PAPSS2: variants seen among roughly 807,000 people sequenced by gnomAD.
PAPSS2 encodes the protein bifunctional 3'-phosphoadenosine 5'-phosphosulfate synthase 2.
A neutral mutation model predicts 66.5 loss-of-function variants in PAPSS2; 61 were observed. That is an observed-to-expected ratio of 0.92 (90% CI 0.75 to 1.14). PAPSS2 has a LOEUF of 1.14. Ranked by LOEUF, PAPSS2 falls within the 50% of genes most tolerant of loss-of-function variation. The pLI is 0.00. For synonymous variants in PAPSS2, 289 were observed against 287.5 expected (o/e 1.01, Z -0.05); for missense variants, 708 against 789.6 (o/e 0.90, Z 1.24).
intron 7 of PAPSS2, among the ~76,000 whole-genome samples, chr10:87,721,052 A>G (rs1343485393): frequency 6.6e-6 from 1 of 152,168 alleles, no homozygotes; most frequent in Non-Finnish European, 1.5e-5. Context: ...TTTCCAAGGG[A>G]GGGTGTGAGA....
intron 1 of PAPSS2, among the ~76,000 whole-genome samples, chr10:87,691,499 A>G (rs1304083951): frequency 6.6e-6 from 1 of 152,102 alleles, no homozygotes; most frequent in Admixed American, 6.5e-5. Flanking sequence ...AAAAAAAAAA[A>G]AAGGCAACAA....
Position 87,743,475 on chromosome 10 carries a change from C to T in PAPSS2, c.1325C>T (p.Pro442Leu), listed in dbSNP as rs748222374. 6 of 1,614,106 alleles carry T rather than the reference C, an allele frequency of 3.7e-6. No homozygotes were observed. Among genetic ancestry groups the T allele is most frequent in the East Asian group, 2.2e-5 (1 of 44,862 alleles). Residue 442 changes from proline (P) to leucine (L), a missense_variant, in exon 11 of 13, where the codon CCG becomes CTG. Transcript: ENST00000456849. ...RRLLERGYKH[P>L]VLLLHPLGGW... The stretch of plus-strand genomic sequence containing the variant: ...CTCCTAGAGAGGGGCTACAAGCACC[C>T]GGTCCTCCTACTACACCCTCTGGGC...
chr10:87,735,126 C>T (rs1225948950), intron 9 of PAPSS2, among the ~76,000 whole-genome samples: 1 of 152,142 alleles, frequency 6.6e-6, no homozygotes, highest in East Asian at 1.9e-4. Context: ...AATCCTCTAG[C>T]TGTGGCCCCC....
intron 2 of PAPSS2, 73 bp from the exon 3 acceptor site, chr10:87,713,002 A>T: frequency 1.2e-6 from 1 of 818,992 alleles, no homozygotes; most frequent in Non-Finnish European, 2.2e-6. Flanking sequence ...ATTTAAAATT[A>T]CTAGATTAGT....
At chr10:87,663,245 G>T (rs1198235331) in intron 1 of PAPSS2, among the ~76,000 whole-genome samples, 1 of 151,304 alleles carries the variant, frequency 6.6e-6, no homozygotes, top group Non-Finnish European at 1.5e-5. Context: ...CCGAGTAGCT[G>T]GCACTACTGG....
At chr10:87,687,055 A>T (rs982921006) in intron 1 of PAPSS2, among the ~76,000 whole-genome samples, 1 of 152,158 alleles carries the variant, frequency 6.6e-6, no homozygotes, top group Non-Finnish European at 1.5e-5. Flanking sequence ...TTATTTGTTA[A>T]ATCTGGTCAT....
intron 1 of PAPSS2, among the ~76,000 whole-genome samples, chr10:87,708,134 T>C (rs1269994612): frequency 6.6e-6 from 1 of 152,192 alleles, no homozygotes; most frequent in South Asian, 2.1e-4. Flanking sequence ...ATTGGCTCAC[T>C]TTACCTTTTT....
rs756961458 is a variant in PAPSS2, at chr10:87,743,537, C to T, written c.1387C>T (p.Arg463Trp). The change falls in exon 11 of 13, where the codon CGG becomes TGG. Residue 463 changes from arginine (R) to tryptophan (W), a missense_variant. Arg to Trp is a moderately radical substitution (Grantham distance 101). Transcript: ENST00000456849. ...TKDDDVPLDW[R>W]MKQHAAVLEE... ...GGATGACGATGTGCCTCTAGACTGG[C>T]GGATGAAGCAGCACGCGGCTGTGCT... 23 of 1,614,096 alleles carry T rather than the reference C, an allele frequency of 1.4e-5. No individual in the cohort carries two copies. Among genetic ancestry groups the T allele is most frequent in the Middle Eastern group, 1.6e-4 (1 of 6,062 alleles).
At chr10:87,701,715 G>A (rs4934362) in intron 1 of PAPSS2, among the ~76,000 whole-genome samples, 79,362 of 151,864 alleles carry the variant, frequency 0.52, 22,476 homozygotes, top group African/African-American at 0.74. Flanking sequence ...ATGAGTCACC[G>A]CACCCAGCCC....
chr10:87,707,321 C>T (rs932576197), intron 1 of PAPSS2, among the ~76,000 whole-genome samples: 7 of 152,158 alleles, frequency 4.6e-5, no homozygotes, highest in African/African-American at 1.7e-4. Context: ...GGTAGGGTCC[C>T]CTAAGTCTTG....
chr10:87,726,834 A>C (rs1009432260), intron 8 of PAPSS2, among the ~76,000 whole-genome samples: 4 of 152,218 alleles, frequency 2.6e-5, no homozygotes, highest in Non-Finnish European at 5.9e-5. Context: ...CTAAACAGGT[A>C]ATGAAATAAG....
chr10:87,741,579 G>C (rs558435848), intron 10 of PAPSS2, among the ~76,000 whole-genome samples: 2 of 152,210 alleles, frequency 1.3e-5, no homozygotes, highest in African/African-American at 4.8e-5. Flanking sequence ...ATTTTTAGTA[G>C]AGACAGGGTT....
chr10:87,689,548 C>A (rs1031886632), intron 1 of PAPSS2, among the ~76,000 whole-genome samples: 6 of 137,050 alleles, frequency 4.4e-5, no homozygotes, highest in Admixed American at 3.0e-4. Context: ...TGCCTATAAT[C>A]CCAGCTACTT....
Position 87,727,650 on chromosome 10 carries a change from T to C in PAPSS2, c.1086+161T>C, listed in dbSNP as rs74146361. Among the ~76,000 whole-genome samples, 2,533 of 152,314 alleles carry C rather than the reference T, an allele frequency of 0.017. 68 individuals are homozygous for C. Among genetic ancestry groups the C allele is most frequent in the African/African-American group, 0.057 (2,352 of 41,548 alleles). ...GCAGGCTTTGCCTCAGGAGATGTTT[T>C]TAGAAAGGTGCAAAGAAATGTCTTT... is the stretch of plus-strand genomic sequence containing the variant. On this transcript the variant is annotated intron_variant, in intron 9 of 12. Transcript: ENST00000456849.
intron 1 of PAPSS2, among the ~76,000 whole-genome samples, chr10:87,691,915 G>A (rs1333449397): frequency 6.6e-6 from 1 of 152,104 alleles, no homozygotes; most frequent in African/African-American, 2.4e-5. Flanking sequence ...ACTGCAGCCT[G>A]TGTGACAGAG....
At chr10:87,709,614 G>T (rs1853440892) in intron 2 of PAPSS2, among the ~76,000 whole-genome samples, 1 of 152,186 alleles carries the variant, frequency 6.6e-6, no homozygotes, top group Non-Finnish European at 1.5e-5. Flanking sequence ...TCAGTGCTAA[G>T]GGATTCAATA....
chr10:87,694,843 C>T (rs1589427161), intron 1 of PAPSS2, among the ~76,000 whole-genome samples: 1 of 152,134 alleles, frequency 6.6e-6, no homozygotes, highest in Admixed American at 6.6e-5. Context: ...GGGCTCTGGG[C>T]CAGGCAGGGA....
chr10:87,696,005 G>T (rs754676460), intron 1 of PAPSS2, among the ~76,000 whole-genome samples: 8 of 152,078 alleles, frequency 5.3e-5, no homozygotes, highest in Non-Finnish European at 1.2e-4. Flanking sequence ...TCCAAATCTG[G>T]CTTCACGTGA....
At chr10:87,738,946 A>G (rs1167670335) in intron 9 of PAPSS2, among the ~76,000 whole-genome samples, 4 of 152,070 alleles carry the variant, frequency 2.6e-5, no homozygotes, top group Non-Finnish European at 5.9e-5. Flanking sequence ...AGAAAATATG[A>G]TTTTCAAATA....
Sources: gnomAD v4.1 joint callset for allele counts (sites outside exome capture counted in the v4.1 genomes callset) on GRCh38, gnomAD v4.1.1 for gene constraint, MANE v1.5 for transcripts, NCBI Gene and HGNC (gene_info 2026-07-23, HGNC 2026-07-21) for gene names.